The following CSMD1 variants were observed in gnomAD, a reference collection of about 807,000 sequenced individuals.
CSMD1 encodes CUB and Sushi multiple domains 1, also known as CUB and sushi domain-containing protein 1.
Under a neutral mutation model 417.5 loss-of-function variants are expected in CSMD1, and 213 were observed. The observed-to-expected ratio is 0.51, with a 90% CI of 0.46 to 0.57. The LOEUF (loss-of-function observed/expected upper bound fraction) is 0.57, where lower values mean the gene tolerates loss of function less well. Ranked by LOEUF, CSMD1 falls within the 20% of genes least tolerant of loss-of-function variation. CSMD1 has a pLI of 0.00. For missense variants in CSMD1, 6,923 were observed against 4,529.7 expected (o/e 1.53, Z -15.17); for synonymous variants, 2,862 against 1,736.8 (o/e 1.65, Z -16.11).
At chr8:3,994,947 C>T (rs140740386) in intron 5 of CSMD1, among the ~76,000 whole-genome samples, 3 of 152,274 alleles carry the variant, frequency 2.0e-5, no homozygotes, top group African/African-American at 7.2e-5. Context: ...TCACTCCACT[C>T]ACAGTCACTC....
chr8:4,373,445 C>A (rs755068870), intron 3 of CSMD1, among the ~76,000 whole-genome samples: 1 of 152,150 alleles, frequency 6.6e-6, no homozygotes, highest in African/African-American at 2.4e-5. Flanking sequence ...TTTGAAAACA[C>A]TGCAATATCT....
chr8:4,828,187 T>G (rs1231919157), intron 1 of CSMD1, among the ~76,000 whole-genome samples: 1 of 152,140 alleles, frequency 6.6e-6, no homozygotes, highest in Non-Finnish European at 1.5e-5. Context: ...CATTTAAGTG[T>G]TTTCAAAGCA....
At chr8:3,918,172 G>C (rs78888353) in intron 5 of CSMD1, among the ~76,000 whole-genome samples, 1 of 152,006 alleles carries the variant, frequency 6.6e-6, no homozygotes, top group East Asian at 1.9e-4. Flanking sequence ...GAAAGTGTGT[G>C]TTCAAAATCC....
At position 3,029,377 on chromosome 8, in the gene CSMD1, G is replaced by C; in HGVS notation, c.7797C>G (p.Leu2599=). The C allele has an allele frequency of 6.2e-7, 1 of 1,611,168 alleles. No homozygotes were observed. Among genetic ancestry groups the C allele is most frequent in the Admixed American group, 1.7e-5 (1 of 59,578 alleles). Residue 2599 remains leucine, a synonymous_variant, in exon 51 of 70, where the codon CTC becomes CTG. Transcript: ENST00000635120. ...ACGTCCCATTGGCCTGGCACCGCAG[G>C]AGCCTCCAGCCTTCTAAGTAGTAAC... ...SPGYYLEGWR[L]LRCQANGTWN... is the part of the protein sequence containing the mutation.
chr8:4,945,953 A>G (rs1269337274), intron 1 of CSMD1, among the ~76,000 whole-genome samples: 1 of 152,196 alleles, frequency 6.6e-6, no homozygotes, highest in African/African-American at 2.4e-5. Flanking sequence ...TATGTGCAAG[A>G]AAGTAGGACA....
At chr8:3,219,610 G>A (rs1023340427) in intron 28 of CSMD1, among the ~76,000 whole-genome samples, 168 bp from the exon 29 acceptor site, 6 of 152,112 alleles carry the variant, frequency 3.9e-5, no homozygotes, top group African/African-American at 1.2e-4. Flanking sequence ...TAATAAAATA[G>A]CAATAGTATA....
At chr8:3,793,280 G>T (rs1196535730) in intron 5 of CSMD1, among the ~76,000 whole-genome samples, 3 of 152,122 alleles carry the variant, frequency 2.0e-5, no homozygotes, top group Non-Finnish European at 4.4e-5. Context: ...CAGTCTCTCA[G>T]GCAATTTTCC....
chr8:3,388,875 C>G (rs1009162025), intron 17 of CSMD1, among the ~76,000 whole-genome samples: 3 of 150,818 alleles, frequency 2.0e-5, no homozygotes, highest in Non-Finnish European at 4.4e-5. Flanking sequence ...CCTCTCTCTA[C>G]ATACACACCA....
At chr8:4,682,155 T>A (rs1224267504) in intron 1 of CSMD1, among the ~76,000 whole-genome samples, 1 of 152,034 alleles carries the variant, frequency 6.6e-6, no homozygotes. Context: ...AGTATCTGGA[T>A]AACTGGGACT....
intron 3 of CSMD1, among the ~76,000 whole-genome samples, chr8:4,198,314 G>A (rs1210825858): frequency 1.3e-5 from 2 of 152,238 alleles, no homozygotes; most frequent in Admixed American, 6.5e-5. Context: ...GGGCTGGCAA[G>A]CCCGACAAGA....
chr8:3,834,677 C>G (rs982635668), intron 5 of CSMD1, among the ~76,000 whole-genome samples: 1 of 151,940 alleles, frequency 6.6e-6, no homozygotes, highest in Non-Finnish European at 1.5e-5. Context: ...TAGGGATCCA[C>G]AGAACGTGTA....
At chr8:4,055,150 CTGTT>C (rs1220523393) in intron 3 of CSMD1, among the ~76,000 whole-genome samples, 1 of 152,140 alleles carries the variant, frequency 6.6e-6, no homozygotes, top group Non-Finnish European at 1.5e-5. Flanking sequence ...ACTTCAGAAA[CTGTT>C]TGAAATATGA....
chr8:3,388,046 T>C (rs1023469268), intron 17 of CSMD1, among the ~76,000 whole-genome samples: 1 of 152,244 alleles, frequency 6.6e-6, no homozygotes. Flanking sequence ...CTGTGTCTTA[T>C]ATATGTATTA....
At position 3,841,826 on chromosome 8, in the gene CSMD1, C is replaced by T. The variant is rs1243893662; in HGVS notation, c.819-87784G>A. 5.3e-5 allele frequency among the ~76,000 whole-genome samples: 8 copies of T among 152,002 alleles called. No homozygotes were observed. In the East Asian group the frequency reaches 7.7e-4, roughly 15 times the overall value. Reference sequence around the variant, plus strand: ...AGCCCATGATCTGTGTTCAAAGCACCGAGACTTTGCATCAAGCTAGCAGCT... The same window carrying T: ...AGCCCATGATCTGTGTTCAAAGCACTGAGACTTTGCATCAAGCTAGCAGCT... On this transcript the variant is annotated intron_variant, in intron 5 of 69. Coordinates refer to ENST00000635120, the MANE Select transcript of CSMD1 (RefSeq NM_033225.6).
At position 2,969,664 on chromosome 8, in the gene CSMD1, C is replaced by A. The variant is rs1297724292; in HGVS notation, c.8924-2918G>T. On this transcript the variant is annotated intron_variant, in intron 57 of 69. Coordinates refer to ENST00000635120, the MANE Select transcript of CSMD1 (RefSeq NM_033225.6). Reference sequence around the variant, plus strand: ...GTCAAGTCATAGCTAGTCATAGAAGCTACGCTTCCTGGAAATGCAACCACT... The same window carrying A: ...GTCAAGTCATAGCTAGTCATAGAAGATACGCTTCCTGGAAATGCAACCACT... 2.0e-5 allele frequency among the ~76,000 whole-genome samples: 3 copies of A among 152,284 alleles called. No individual in the cohort carries two copies. The East Asian group carries it at 5.8e-4, about 29-fold the overall frequency.
chr8:3,519,565 AT>A lies in CSMD1; in HGVS notation c.1345-25840del, dbSNP rs1797416740. Among the ~76,000 whole-genome samples, 4 of 152,252 alleles carry A rather than the reference AT, an allele frequency of 2.6e-5. No homozygotes were observed. The South Asian group carries it at 6.2e-4, about 24-fold the overall frequency. ...TTGACCTTCCCCGCCATGAGGACCA[AT>A]GAGTACCTTGGTAGAGACTACCTTC... On this transcript the variant is annotated intron_variant, in intron 10 of 69. Transcript: ENST00000635120.
At position 3,715,427 on chromosome 8, in the gene CSMD1, T is replaced by C. The variant is rs373995423; in HGVS notation, c.932-6936A>G. On this transcript the variant is annotated intron_variant, in intron 6 of 69. Coordinates refer to ENST00000635120, the MANE Select transcript of CSMD1 (RefSeq NM_033225.6). ...TCACCTTGAAAATGTGGTTCCGTCATTTTTCTCCTCTTCTGCATGATCATT... is the reference window on the plus strand; with the variant it reads ...TCACCTTGAAAATGTGGTTCCGTCACTTTTCTCCTCTTCTGCATGATCATT... Among the ~76,000 whole-genome samples the C allele has an allele frequency of 1.2e-4, 18 of 152,298 alleles. No homozygotes were observed. The East Asian group carries it at 3.1e-3, about 26-fold the overall frequency.
chr8:3,865,209 C>G (rs536769978), intron 5 of CSMD1, among the ~76,000 whole-genome samples: 20 of 152,344 alleles, frequency 1.3e-4, no homozygotes, highest in African/African-American at 4.3e-4. Flanking sequence ...TGGAAAATGA[C>G]AGACATAAGT....
intron 26 of CSMD1, among the ~76,000 whole-genome samples, chr8:3,258,288 A>G (rs2117073573): frequency 6.6e-6 from 1 of 152,348 alleles, no homozygotes; most frequent in East Asian, 1.9e-4. Context: ...GACAAAGGAC[A>G]TGAACAGACA....
Sources: allele counts gnomAD v4.1 joint callset (sites outside exome capture counted in the v4.1 genomes callset), GRCh38; gene constraint gnomAD v4.1.1; transcripts MANE v1.5; gene names NCBI Gene and HGNC (gene_info 2026-07-23, HGNC 2026-07-21).